BCL2L13: variants seen among roughly 807,000 people sequenced by gnomAD.
BCL2L13 encodes the protein BCL2 like 13, also known as bcl-2-like protein 13.
A neutral mutation model predicts 25.8 loss-of-function variants in BCL2L13; 13 were observed. That is an observed-to-expected ratio of 0.50 (90% confidence interval 0.33 to 0.80). The LOEUF is 0.80. Among genes scored for constraint, BCL2L13 ranks in the 30% least tolerant of loss-of-function variants. BCL2L13 has a pLI of 0.02. For synonymous variants in BCL2L13, 244 were observed against 230.3 expected (o/e 1.06, Z -0.54); for missense variants, 504 against 574.9 (o/e 0.88, Z 1.26).
At chr22:17,695,948 G>T in intron 4 of BCL2L13, 193 bp from the exon 5 acceptor site, 1 of 465,772 alleles carries the variant, frequency 2.1e-6, no homozygotes, top group Non-Finnish European at 3.9e-6. Context: ...TCCCAGGCAT[G>T]CATCACAGCT....
chr22:17,715,149 TATATATATATATATATATATA>T (rs373056392), intron 6 of BCL2L13, among the ~76,000 whole-genome samples: 2,294 of 8,886 alleles, frequency 0.26, 121 homozygotes, highest in Non-Finnish European at 0.28. Flanking sequence ...TATATATATA[TATATATATATATATATATATA>T]TTTTTTTTTT....
At chr22:17,702,884 G>A (rs1276095878) in intron 6 of BCL2L13, 1 of 152,120 alleles carries the variant, frequency 6.6e-6, no homozygotes, top group Non-Finnish European at 1.5e-5. Flanking sequence ...TGGGTGCAGT[G>A]GTGCACATCT....
intron 6 of BCL2L13, among the ~76,000 whole-genome samples, chr22:17,718,328 G>T (rs1240949587): frequency 6.6e-6 from 1 of 152,098 alleles, no homozygotes; most frequent in Non-Finnish European, 1.5e-5. Flanking sequence ...TGATGAGATA[G>T]ATGCTAGCCA....
chr22:17,721,057 C>T (rs1364473247), intron 6 of BCL2L13, among the ~76,000 whole-genome samples: 1 of 151,830 alleles, frequency 6.6e-6, no homozygotes, highest in Non-Finnish European at 1.5e-5. Context: ...GTCCCAGCTA[C>T]TCGGGGGGAG....
At position 17,655,793 on chromosome 22, in the gene BCL2L13, C is replaced by A; in HGVS notation, c.82C>A (p.Gln28Lys). 1 of 1,613,788 alleles carries A rather than the reference C, an allele frequency of 6.2e-7. No homozygotes were observed. Among genetic ancestry groups the A allele is most frequent in the East Asian group, 2.2e-5 (1 of 44,848 alleles). The change falls in exon 2 of 7, where the codon CAA becomes AAA. Residue 28 changes from glutamine (Q) to lysine (K), a missense_variant. Physicochemically the swap from Gln to Lys is moderately conservative, Grantham distance 53 (BLOSUM62 1). Transcript: ENST00000317582. ...VVLSYLGLLSQEKLQEQHLSS... is the reference protein window; with the variant it reads ...VVLSYLGLLSKEKLQEQHLSS... Reference sequence around the variant, plus strand: ...TCTCAGCTACTTGGGACTCCTCTCTCAAGAGAAGCTGCAAGAGCAACATCT... The same window carrying A: ...TCTCAGCTACTTGGGACTCCTCTCTAAAGAGAAGCTGCAAGAGCAACATCT...
intron 1 of BCL2L13, among the ~76,000 whole-genome samples, chr22:17,632,749 C>CTTTT (rs1555869670): frequency 7.0e-6 from 1 of 143,524 alleles, no homozygotes. Flanking sequence ...TATGATTCTT[C>CTTTT]TTCTTTTTTT....
chr22:17,690,014 G>C (rs1390218084), intron 4 of BCL2L13, among the ~76,000 whole-genome samples: 1 of 151,854 alleles, frequency 6.6e-6, no homozygotes, highest in Non-Finnish European at 1.5e-5. Context: ...CTAGTAATAA[G>C]GAAAGTATTA....
chr22:17,684,383 A>G (rs2059846294), intron 3 of BCL2L13, among the ~76,000 whole-genome samples: 1 of 152,208 alleles, frequency 6.6e-6, no homozygotes, highest in Admixed American at 6.5e-5. Context: ...ACCATGATCT[A>G]AATTTAGAAC....
At chr22:17,684,577 T>G (rs781585934) in intron 3 of BCL2L13, 5 of 454,028 alleles carry the variant, frequency 1.1e-5, no homozygotes, top group East Asian at 6.9e-5. Context: ...GGTGGTGGTG[T>G]TTTGAGATGC....
Position 17,689,149 on chromosome 22 carries a change from T to TA in BCL2L13, c.386+8dup, listed in dbSNP as rs771429893. ...TGCAAATGCTCCTGAGCCAGTGAGT[T>TA]ACACTGCTGAGTGGGATGTGCTTCT... is the stretch of plus-strand genomic sequence containing the variant. On this transcript the variant is annotated splice_region_variant and intron_variant, in intron 4 of 6. Coordinates refer to ENST00000317582, the MANE Select transcript of BCL2L13 (RefSeq NM_015367.4). 4 of 1,613,560 alleles carry TA rather than the reference T, an allele frequency of 2.5e-6. No individual in the cohort carries two copies. The South Asian group carries it at 4.4e-5, about 18-fold the overall frequency.
At chr22:17,674,466 C>T (rs1313451997) in intron 2 of BCL2L13, among the ~76,000 whole-genome samples, 1 of 151,860 alleles carries the variant, frequency 6.6e-6, no homozygotes, top group Non-Finnish European at 1.5e-5. Context: ...ATTAGCCAGG[C>T]ATGGTTCCGG....
intron 4 of BCL2L13, 115 bp downstream of exon 4, chr22:17,689,257 T>A (rs1033397037): frequency 1.1e-6 from 1 of 890,800 alleles, no homozygotes; most frequent in African/African-American, 1.7e-5. Context: ...CTTTTCTCAC[T>A]TTTCTTTACA....
At chr22:17,648,933 A>AT (rs566303976) in intron 1 of BCL2L13, among the ~76,000 whole-genome samples, 7,084 of 151,642 alleles carry the variant, frequency 0.047, 218 homozygotes, top group African/African-American at 0.075. Flanking sequence ...GAGAATATCA[A>AT]TTTTTTTTTC....
At chr22:17,635,148 G>T (rs1458701552), upstream of BCL2L13, among the ~76,000 whole-genome samples, 3 of 151,770 alleles carry the variant, frequency 2.0e-5, no homozygotes, top group Non-Finnish European at 2.9e-5. Flanking sequence ...AGCACTTCAG[G>T]AGGCCAAGGC....
intron 6 of BCL2L13, among the ~76,000 whole-genome samples, chr22:17,714,376 C>G (rs1411976253): frequency 6.6e-6 from 1 of 151,874 alleles, no homozygotes; most frequent in Non-Finnish European, 1.5e-5. Flanking sequence ...CGCTTGAACT[C>G]GGGAGGCGGA....
chr22:17,728,070 C>CA lies in BCL2L13; in HGVS notation c.*536_*537insA. ...GCTACTGACTTCTTAGCTCTTAATCCCCTTAGAATTTCATCTTTCTCGATG... is the reference window on the plus strand; with the variant it reads ...GCTACTGACTTCTTAGCTCTTAATCCACCTTAGAATTTCATCTTTCTCGATG... On this transcript the variant is annotated 3_prime_UTR_variant, in exon 7 of 7. Transcript: ENST00000317582. 6.3e-6 allele frequency: 1 copy of CA among 159,044 alleles called. No individual in the cohort carries two copies. The highest frequency in any genetic ancestry group is 5.9e-5 in the Admixed American group (1 of 17,090). 9.9% of individuals were successfully genotyped at this position (159,044 alleles called of 1,614,324 possible).
chr22:17,647,801 C>T lies in BCL2L13; in HGVS notation c.-50-7861C>T, dbSNP rs188352607. On this transcript the variant is annotated intron_variant, in intron 1 of 6. Transcript: ENST00000317582. ...AAAAATGCTTTAGAAACAGATGTCA[C>T]GAAGATGTAATTTATATATGATGTT... Among the ~76,000 whole-genome samples, 355 of 152,202 alleles carry T rather than the reference C, an allele frequency of 2.3e-3. 1 individual carries two copies. The highest frequency in any genetic ancestry group is 8.1e-3 in the African/African-American group (335 of 41,526).
Position 17,702,226 on chromosome 22 carries a change from TC to T in BCL2L13, c.457-16del. 6.3e-7 allele frequency: 1 copy of T among 1,580,636 alleles called. No homozygotes were observed. Among genetic ancestry groups the T allele is most frequent in the South Asian group, 1.2e-5 (1 of 85,758 alleles). On this transcript the variant is annotated splice_polypyrimidine_tract_variant and intron_variant, in intron 5 of 6. Transcript: ENST00000317582. ...AATTTCAGTGTGGTTTTTTATTCTC[TC>T]ATCTTTGCATTGAAGATTTTGGTGC...
chr22:17,657,743 T>C (rs1379845974), intron 2 of BCL2L13, among the ~76,000 whole-genome samples: 4 of 150,910 alleles, frequency 2.7e-5, no homozygotes, highest in African/African-American at 9.7e-5. Context: ...GTCTTGATCA[T>C]CTGACCTCAT....
Sources: allele counts gnomAD v4.1 joint callset (sites outside exome capture counted in the v4.1 genomes callset), GRCh38; gene constraint gnomAD v4.1.1; transcripts MANE v1.5; gene names NCBI Gene and HGNC (gene_info 2026-07-23, HGNC 2026-07-21).